MLLT3: variants seen among roughly 807,000 people sequenced by gnomAD.
The protein encoded by MLLT3 is protein AF-9.
Under a neutral mutation model 53.2 loss-of-function variants are expected in MLLT3, and 4 were observed. The observed-to-expected ratio is 0.08, with a 90% CI of 0.04 to 0.17. MLLT3 has a LOEUF of 0.17. MLLT3 is among the 10% of genes least tolerant of loss of function. MLLT3 has a pLI of 1.00. For missense variants in MLLT3, 569 were observed against 684.0 expected, an observed-to-expected ratio of 0.83 and a Z score of 1.87; for synonymous variants, 283 against 230.6, an observed-to-expected ratio of 1.23 and a Z score of -2.06.
At chr9:20,408,361 T>C (rs139671434) in intron 5 of MLLT3, among the ~76,000 whole-genome samples, 2 of 151,188 alleles carry the variant, frequency 1.3e-5, no homozygotes, top group East Asian at 3.9e-4. Flanking sequence ...CAAGGCTGCC[T>C]CCTCCTCAGT....
Position 20,342,728 on chromosome 9 carries a change from T to G in MLLT3, c.*3715A>C. On this transcript the variant is annotated 3_prime_UTR_variant, in exon 11 of 11. Coordinates refer to ENST00000380338, the MANE Select transcript of MLLT3 (RefSeq NM_004529.4). ...TCCAGCCCGAGACTAAACTAAACCA[T>G]GGGAATTGACTCCTTAACATTCACT... 1.5e-5 allele frequency: 3 copies of G among 203,172 alleles called. No homozygotes were observed. The highest frequency in any genetic ancestry group is 3.3e-3 in the Middle Eastern group (2 of 606). 12.6% of individuals were successfully genotyped at this position (203,172 alleles called of 1,614,324 possible).
At chr9:20,617,706 T>C (rs576392069) in intron 2 of MLLT3, among the ~76,000 whole-genome samples, 1 of 152,310 alleles carries the variant, frequency 6.6e-6, no homozygotes, top group East Asian at 1.9e-4. Context: ...CCTACCTGTT[T>C]TGTCATGGCT....
At chr9:20,548,234 T>C (rs2119023264) in intron 2 of MLLT3, among the ~76,000 whole-genome samples, 1 of 152,370 alleles carries the variant, frequency 6.6e-6, no homozygotes, top group East Asian at 1.9e-4. Flanking sequence ...GCCTAGTGAC[T>C]GCCATATTGG....
chr9:20,608,794 CATAAT>C (rs1000129237), intron 2 of MLLT3, among the ~76,000 whole-genome samples: 1 of 151,930 alleles, frequency 6.6e-6, no homozygotes, highest in African/African-American at 2.4e-5. Flanking sequence ...TTTACTTTCA[CATAAT>C]ATGAGTCATT....
rs1820821455 is a variant in MLLT3, at chr9:20,344,711, G to A, written c.*1732C>T. 4.8e-6 allele frequency: 1 copy of A among 206,926 alleles called. No individual in the cohort carries two copies. The highest frequency in any genetic ancestry group is 7.3e-5 in the East Asian group (1 of 13,638). 12.8% of individuals were successfully genotyped at this position (206,926 alleles called of 1,614,324 possible). A position where few individuals can be genotyped will look rare whatever the true frequency, so the allele number is the denominator to read the frequency against. On this transcript the variant is annotated 3_prime_UTR_variant, in exon 11 of 11. Coordinates refer to ENST00000380338, the MANE Select transcript of MLLT3 (RefSeq NM_004529.4). Reference sequence around the variant, plus strand: ...TAGTTTCTTTGGATAGAAAGAAACAGTGTAAAAAATCCCCTTTTTAAAATG... The same window carrying A: ...TAGTTTCTTTGGATAGAAAGAAACAATGTAAAAAATCCCCTTTTTAAAATG...
chr9:20,532,124 A>G (rs886246202), intron 2 of MLLT3, among the ~76,000 whole-genome samples: 1 of 152,186 alleles, frequency 6.6e-6, no homozygotes, highest in African/African-American at 2.4e-5. Context: ...CTCAAGCGAA[A>G]CATTAAACCT....
intron 2 of MLLT3, among the ~76,000 whole-genome samples, chr9:20,542,688 C>T (rs1279371563): frequency 6.6e-6 from 1 of 152,132 alleles, no homozygotes; most frequent in African/African-American, 2.4e-5. Flanking sequence ...GTAAAATTAG[C>T]ATAATTCTTA....
chr9:20,618,110 C>A (rs541688677), intron 2 of MLLT3, among the ~76,000 whole-genome samples: 1 of 152,266 alleles, frequency 6.6e-6, no homozygotes, highest in East Asian at 1.9e-4. Flanking sequence ...ATAGCCAACA[C>A]AGCTTATTTA....
chr9:20,613,010 G>C (rs967827707), intron 2 of MLLT3, among the ~76,000 whole-genome samples: 2 of 152,106 alleles, frequency 1.3e-5, no homozygotes, highest in African/African-American at 4.8e-5. Flanking sequence ...AACAGAAAAT[G>C]ACCTATTTAT....
At chr9:20,481,442 C>T (rs917802894) in intron 2 of MLLT3, among the ~76,000 whole-genome samples, 3 of 152,124 alleles carry the variant, frequency 2.0e-5, no homozygotes, top group African/African-American at 4.8e-5. Context: ...ATGCAGTTGG[C>T]GCTCCATATC....
In MLLT3 at chr9:20,344,336, CAT is replaced by C. The variant is rs1213792288; in HGVS notation, c.*2105_*2106del. The stretch of plus-strand genomic sequence containing the variant: ...TAAACTACACAGATATATTAAATCA[CAT>C]AAACTTCTGGCTTGATCAGAATATG... On this transcript the variant is annotated 3_prime_UTR_variant, in exon 11 of 11. Transcript: ENST00000380338. 1.5e-5 allele frequency: 3 copies of C among 201,246 alleles called. No individual in the cohort carries two copies. The highest frequency in any genetic ancestry group is 3.1e-5 in the Non-Finnish European group (3 of 97,752). The allele number at this position is 201,246 out of a possible 1,614,324, so 12.5% of individuals were successfully genotyped here. A position where few individuals can be genotyped will look rare whatever the true frequency, so the allele number is the denominator to read the frequency against.
intron 4 of MLLT3, among the ~76,000 whole-genome samples, chr9:20,437,875 C>T (rs574204717): frequency 2.2e-4 from 34 of 152,208 alleles, no homozygotes; most frequent in Non-Finnish European, 4.1e-4. Flanking sequence ...AAATTCCCTA[C>T]AGCAAGGGCT....
intron 5 of MLLT3, among the ~76,000 whole-genome samples, chr9:20,401,994 A>C (rs898808109): frequency 6.6e-6 from 1 of 152,186 alleles, no homozygotes; most frequent in African/African-American, 2.4e-5. Flanking sequence ...GATGTAAAAA[A>C]TATATTGGTA....
chr9:20,555,197 T>C lies in MLLT3; in HGVS notation c.193+65457A>G, dbSNP rs1256352613. Among the ~76,000 whole-genome samples, 3 of 152,258 alleles carry C rather than the reference T, an allele frequency of 2.0e-5. No individual in the cohort carries two copies. In the East Asian group the frequency reaches 5.8e-4, roughly 29 times the overall value. ...GTCATCTAACTGACCCCACAAATCA[T>C]CTTAACCTAATCTTACACTGGATTC... On this transcript the variant is annotated intron_variant, in intron 2 of 10. Transcript: ENST00000380338.
chr9:20,595,532 A>T (rs994895449), intron 2 of MLLT3, among the ~76,000 whole-genome samples: 6 of 152,312 alleles, frequency 3.9e-5, no homozygotes, highest in South Asian at 4.1e-4. Flanking sequence ...AACCATAAAC[A>T]GGAAAAATAG....
At chr9:20,463,254 A>G (rs1328714187) in intron 2 of MLLT3, among the ~76,000 whole-genome samples, 3 of 151,406 alleles carry the variant, frequency 2.0e-5, no homozygotes, top group East Asian at 2.0e-4. Flanking sequence ...TGTATTCAGT[A>G]TATCCCTGGC....
intron 5 of MLLT3, chr9:20,382,348 T>C (rs1586906869): frequency 6.6e-6 from 1 of 151,906 alleles, no homozygotes; most frequent in African/African-American, 2.4e-5. Context: ...CTTTAAAAAT[T>C]AGAAACACAG....
intron 2 of MLLT3, among the ~76,000 whole-genome samples, chr9:20,540,477 C>A (rs916222599): frequency 1.3e-5 from 2 of 152,242 alleles, no homozygotes; most frequent in Admixed American, 1.3e-4. Flanking sequence ...ACAGGTCCAA[C>A]ACCACGTGGA....
chr9:20,512,956 A>T (rs1012138911), intron 2 of MLLT3, among the ~76,000 whole-genome samples: 1 of 152,274 alleles, frequency 6.6e-6, no homozygotes, highest in Non-Finnish European at 1.5e-5. Flanking sequence ...ACAATTCAAT[A>T]CAAATGATCA....
Sources: allele counts gnomAD v4.1 joint callset (sites outside exome capture counted in the v4.1 genomes callset), GRCh38; gene constraint gnomAD v4.1.1; transcripts MANE v1.5; gene names NCBI Gene and HGNC (gene_info 2026-07-23, HGNC 2026-07-21).